The following SLC22A8 variants were observed in gnomAD, a reference collection of about 807,000 sequenced individuals.
The protein encoded by SLC22A8 is organic anion transporter 3.
Under a neutral mutation model 48.4 loss-of-function variants are expected in SLC22A8, and 40 were observed. The ratio of observed to expected loss-of-function variants is 0.83; its 90% CI spans 0.64 to 1.08. SLC22A8 has a LOEUF of 1.08. SLC22A8 is among the 50% of genes least tolerant of loss of function. The pLI is 0.00. For synonymous variants in SLC22A8, 268 were observed against 286.3 expected (o/e 0.94, Z 0.65); for missense variants, 606 against 699.0 (o/e 0.87, Z 1.50).
chr11:63,012,366 CACTA>C (rs145874214), intron 2 of SLC22A8, among the ~76,000 whole-genome samples: 1,697 of 152,222 alleles, frequency 0.011, 12 homozygotes, highest in Non-Finnish European at 0.018. Flanking sequence ...GTTCACTGCT[CACTA>C]ACTCTCACCT....
chr11:63,003,305 A>G (rs1027138119), intron 2 of SLC22A8, among the ~76,000 whole-genome samples: 20 of 152,184 alleles, frequency 1.3e-4, no homozygotes, highest in African/African-American at 4.8e-4. Flanking sequence ...CATTCCAGGG[A>G]GCTCTTTCTC....
At chr11:63,010,917 C>A (rs1409190812) in intron 2 of SLC22A8, among the ~76,000 whole-genome samples, 1 of 152,178 alleles carries the variant, frequency 6.6e-6, no homozygotes, top group Non-Finnish European at 1.5e-5. Flanking sequence ...CAGCAGTGAG[C>A]GGTGTCTACA....
intron 2 of SLC22A8, among the ~76,000 whole-genome samples, chr11:63,008,602 A>G (rs911723207): frequency 5.9e-5 from 9 of 152,166 alleles, no homozygotes; most frequent in Admixed American, 5.9e-4. Flanking sequence ...TGTGAATGAC[A>G]TAGGAATGAA....
In SLC22A8 at chr11:62,999,722, G is replaced by A. The variant is rs2086468037; in HGVS notation, c.558C>T (p.Gly186=). Residue 186 remains glycine, a synonymous_variant, in exon 4 of 11, where the codon GGC becomes GGT. Coordinates refer to ENST00000336232, the MANE Select transcript of SLC22A8 (RefSeq NM_004254.4). ...YMVFRFLCGF[G]ISGITLSTVI... ...CGGTGCTCAGGGTAATGCCTGAGAT[G>A]CCAAAGCCACACAGGAAGCGGAAGA... 14 of 1,601,986 alleles carry A rather than the reference G, an allele frequency of 8.7e-6. No individual in the cohort carries two copies. Among genetic ancestry groups the A allele is most frequent in the Non-Finnish European group, 1.2e-5 (14 of 1,173,956 alleles).
rs1590693948 is a variant in SLC22A8, at chr11:63,001,019, C to A, written c.334-196G>T. 7.1e-6 allele frequency: 4 copies of A among 561,672 alleles called. No homozygotes were observed. In the East Asian group the frequency reaches 1.2e-4, roughly 17 times the overall value. 34.8% of individuals were successfully genotyped at this position (561,672 alleles called of 1,614,324 possible). A position where few individuals can be genotyped will look rare whatever the true frequency, so the allele number is the denominator to read the frequency against. On this transcript the variant is annotated intron_variant, in intron 2 of 10. Transcript: ENST00000336232. ...CTGTGGCTCTTCGGCCCCTGACCTG[C>A]ATCCCTCAGGCATGTGTGGCCTGTC...
At chr11:63,010,420 C>T (rs796634234) in intron 2 of SLC22A8, among the ~76,000 whole-genome samples, 4 of 152,356 alleles carry the variant, frequency 2.6e-5, no homozygotes, top group African/African-American at 9.6e-5. Flanking sequence ...GGTTTCCCGC[C>T]TCTGTGTCAG....
intron 2 of SLC22A8, 181 bp from the exon 3 acceptor site, chr11:63,001,004 T>A (rs2086487705): frequency 1.7e-6 from 1 of 582,196 alleles, no homozygotes; most frequent in Non-Finnish European, 3.1e-6. Context: ...CTGTGGCTCT[T>A]CGGCCCCTGA....
At chr11:62,996,381 G>A (rs939262077) in intron 5 of SLC22A8, among the ~76,000 whole-genome samples, 1 of 152,222 alleles carries the variant, frequency 6.6e-6, no homozygotes, top group Non-Finnish European at 1.5e-5. Context: ...ACTTTCCTCT[G>A]CCCCCGACCT....
rs1340330271 is a variant in SLC22A8, at chr11:62,998,929, T to C, written c.753A>G (p.Leu251=). Reference sequence around the variant, plus strand: ...AGGAGAGGGCCACATACCAGGATGATAGGAAGAAGACGAAGAAGGGAATGG... The same window carrying C: ...AGGAGAGGGCCACATACCAGGATGACAGGAAGAAGACGAAGAAGGGAATGG... The part of the protein sequence containing the change: ...TVSIPFFVFF[L]SSWWTPESIR... Residue 251 remains leucine (L), a synonymous_variant, in exon 5 of 11, where the codon CTA becomes CTG. Coordinates refer to ENST00000336232, the MANE Select transcript of SLC22A8 (RefSeq NM_004254.4). The C allele has an allele frequency of 3.7e-6, 6 of 1,607,400 alleles. No individual in the cohort carries two copies. Among genetic ancestry groups the C allele is most frequent in the African/African-American group, 1.3e-5 (1 of 74,842 alleles).
Position 62,998,925 on chromosome 11 carries a change from A to G in SLC22A8, c.757T>C (p.Ser253Pro). The change falls in exon 5 of 11, where the codon TCC becomes CCC. Residue 253 changes from serine to proline, a missense_variant. Ser to Pro is a moderately conservative substitution (Grantham distance 74). Transcript: ENST00000336232. Reference sequence around the variant, plus strand: ...GAAGAGGAGAGGGCCACATACCAGGATGATAGGAAGAAGACGAAGAAGGGA... The same window carrying G: ...GAAGAGGAGAGGGCCACATACCAGGGTGATAGGAAGAAGACGAAGAAGGGA... ...SIPFFVFFLS[S>P]WWTPESIRWL... is the part of the protein sequence containing the mutation. 6.2e-7 allele frequency: 1 copy of G among 1,605,636 alleles called. No homozygotes were observed. Among genetic ancestry groups the G allele is most frequent in the Non-Finnish European group, 8.5e-7 (1 of 1,173,204 alleles).
At chr11:62,994,205 G>A (rs2086380523) in intron 8 of SLC22A8, 1 of 520,040 alleles carries the variant, frequency 1.9e-6, no homozygotes, top group East Asian at 3.3e-5. Flanking sequence ...TGATGGAGTA[G>A]GTTGTGGGGT....
intron 2 of SLC22A8, among the ~76,000 whole-genome samples, chr11:63,012,638 T>C (rs1036308944): frequency 2.6e-5 from 4 of 152,220 alleles, no homozygotes; most frequent in Non-Finnish European, 4.4e-5. Context: ...TATTCATTCA[T>C]TCCACAGAAC....
chr11:63,015,314 G>A (rs2086662111), intron 1 of SLC22A8, among the ~76,000 whole-genome samples: 1 of 152,228 alleles, frequency 6.6e-6, no homozygotes, highest in Admixed American at 6.5e-5. Context: ...GGTATGTGTT[G>A]TGAGCGTGTG....
At chr11:63,005,977 C>T (rs1195689113) in intron 2 of SLC22A8, among the ~76,000 whole-genome samples, 2 of 152,096 alleles carry the variant, frequency 1.3e-5, no homozygotes, top group Non-Finnish European at 2.9e-5. Flanking sequence ...AGGATTGGGA[C>T]TAGACAAGCA....
At chr11:63,014,058 C>T (rs1255000389) in intron 2 of SLC22A8, among the ~76,000 whole-genome samples, 2 of 152,122 alleles carry the variant, frequency 1.3e-5, no homozygotes, top group South Asian at 2.1e-4. Context: ...CCCCTCTGTG[C>T]GGTCCCTCCT....
intron 2 of SLC22A8, among the ~76,000 whole-genome samples, chr11:63,005,499 G>T (rs565263843): frequency 8.5e-5 from 13 of 152,310 alleles, no homozygotes; most frequent in African/African-American, 3.1e-4. Context: ...ATACATTGAA[G>T]TTTTAACTCT....
At position 62,999,076 on chromosome 11, in the gene SLC22A8, C is replaced by T; in HGVS notation, c.606G>A (p.Val202=). 6.2e-7 allele frequency: 1 copy of T among 1,613,228 alleles called. No individual in the cohort carries two copies. Among genetic ancestry groups the T allele is most frequent in the Non-Finnish European group, 8.5e-7 (1 of 1,179,286 alleles). ...ACATGATGGCCCGCATCCGGGTAGG[C>T]ACCCATTCCACATCTGTGGGAGGAG... ...LSTVILNVEW[V]PTRMRAIMST... Residue 202 remains valine (V), a synonymous_variant, in exon 5 of 11, where the codon GTG becomes GTA. Coordinates refer to ENST00000336232, the MANE Select transcript of SLC22A8 (RefSeq NM_004254.4).
At chr11:62,994,353 C>A (rs1036202109) in intron 8 of SLC22A8, 189 bp downstream of exon 8, 1 of 605,130 alleles carries the variant, frequency 1.7e-6, no homozygotes, top group East Asian at 2.8e-5. Flanking sequence ...CAAGTCAGAT[C>A]TGGAAAGGAG....
chr11:63,006,854 G>A (rs184307953), intron 2 of SLC22A8, among the ~76,000 whole-genome samples: 3 of 151,140 alleles, frequency 2.0e-5, no homozygotes, highest in African/African-American at 4.9e-5. Flanking sequence ...TGATCCTCCC[G>A]CCTAGGCCTC....
Sources: allele counts gnomAD v4.1 joint callset (sites outside exome capture counted in the v4.1 genomes callset), GRCh38; gene constraint gnomAD v4.1.1; transcripts MANE v1.5; gene names NCBI Gene and HGNC (gene_info 2026-07-23, HGNC 2026-07-21).